The following ARHGAP15 variants were observed in gnomAD, a reference collection of about 807,000 sequenced individuals.
ARHGAP15 encodes rho GTPase-activating protein 15.
ARHGAP15 carries 51 observed loss-of-function variants against 63.7 expected under a neutral mutation model. That is an observed-to-expected ratio of 0.80 (90% confidence interval 0.64 to 1.01). The LOEUF (loss-of-function observed/expected upper bound fraction) is 1.01, where lower values mean the gene tolerates loss of function less well. Among genes scored for constraint, ARHGAP15 ranks in the 50% least tolerant of loss-of-function variants. The pLI is 0.00. For synonymous variants in ARHGAP15, 191 were observed against 193.8 expected (o/e 0.99, Z 0.12); for missense variants, 560 against 564.6 (o/e 0.99, Z 0.08).
intron 10 of ARHGAP15, among the ~76,000 whole-genome samples, chr2:143,538,407 C>T (rs1694879931): frequency 6.6e-6 from 1 of 152,128 alleles, no homozygotes; most frequent in Non-Finnish European, 1.5e-5. Context: ...CCAGAACTTC[C>T]AACACTATGT....
chr2:143,183,736 T>TA (rs35331297), intron 2 of ARHGAP15, among the ~76,000 whole-genome samples: 1 of 150,898 alleles, frequency 6.6e-6, no homozygotes, highest in African/African-American at 2.4e-5. Flanking sequence ...TTTTTTTTTT[T>TA]AAAGCTAAAG....
intron 6 of ARHGAP15, among the ~76,000 whole-genome samples, chr2:143,414,253 C>A (rs2105031699): frequency 6.6e-6 from 1 of 151,396 alleles, no homozygotes; most frequent in Non-Finnish European, 1.5e-5. Flanking sequence ...AAAAATGAAG[C>A]AGATTTGATC....
At chr2:143,348,118 A>ACCT (rs1432136000) in intron 6 of ARHGAP15, among the ~76,000 whole-genome samples, 1 of 151,846 alleles carries the variant, frequency 6.6e-6, no homozygotes, top group Non-Finnish European at 1.5e-5. Flanking sequence ...TTCCCCAGTA[A>ACCT]CCTATTGGGG....
chr2:143,482,667 A>G (rs2105216784), intron 8 of ARHGAP15, among the ~76,000 whole-genome samples: 1 of 152,354 alleles, frequency 6.6e-6, no homozygotes, highest in East Asian at 1.9e-4. Flanking sequence ...AAACTGTTTT[A>G]TAAGTTTGGC....
Position 143,416,812 on chromosome 2 carries a change from T to TCCC in ARHGAP15, c.475-18786_475-18784dup, listed in dbSNP as rs1209461060. Among the ~76,000 whole-genome samples, 152 of 69,270 alleles carry TCCC rather than the reference T, an allele frequency of 2.2e-3. 1 individual carries two copies. The highest frequency in any genetic ancestry group is 9.4e-3 in the Middle Eastern group (1 of 106). 45.4% of individuals were successfully genotyped at this position (69,270 alleles called of 152,430 possible). A position where few individuals can be genotyped will look rare whatever the true frequency, so the allele number is the denominator to read the frequency against. On this transcript the variant is annotated intron_variant, in intron 6 of 13. Coordinates refer to ENST00000295095, the MANE Select transcript of ARHGAP15 (RefSeq NM_018460.4). ...TGCCCTTGCTTCCCTGCCTGCCACT[T>TCCC]CCCCCACCACCCCCCCACCCCCACG...
At chr2:143,479,499 G>A (rs1451948604) in intron 8 of ARHGAP15, among the ~76,000 whole-genome samples, 4 of 151,970 alleles carry the variant, frequency 2.6e-5, no homozygotes, top group Non-Finnish European at 5.9e-5. Context: ...GCTTCACAGT[G>A]CCCTTTGTGT....
intron 6 of ARHGAP15, among the ~76,000 whole-genome samples, chr2:143,417,638 T>C (rs1186968618): frequency 6.6e-6 from 1 of 152,172 alleles, no homozygotes; most frequent in Non-Finnish European, 1.5e-5. Flanking sequence ...ACTGAGCTTG[T>C]GAATGACGGG....
chr2:143,333,931 C>G (rs1032036914), intron 6 of ARHGAP15, among the ~76,000 whole-genome samples: 2 of 152,130 alleles, frequency 1.3e-5, no homozygotes, highest in African/African-American at 2.4e-5. Flanking sequence ...GTGTAATTTA[C>G]TTGCAAGAGG....
At chr2:143,749,658 A>AT (rs767556467) in intron 13 of ARHGAP15, among the ~76,000 whole-genome samples, 1 of 152,250 alleles carries the variant, frequency 6.6e-6, no homozygotes, top group Non-Finnish European at 1.5e-5. Flanking sequence ...AAATCATATG[A>AT]TTTAGTGCTA....
At chr2:143,529,636 C>T (rs894445705) in intron 10 of ARHGAP15, among the ~76,000 whole-genome samples, 1 of 152,088 alleles carries the variant, frequency 6.6e-6, no homozygotes, top group African/African-American at 2.4e-5. Flanking sequence ...CCAGGAATAC[C>T]AAGTACATGA....
At chr2:143,731,505 G>A (rs749527935) in intron 13 of ARHGAP15, among the ~76,000 whole-genome samples, 4 of 152,002 alleles carry the variant, frequency 2.6e-5, no homozygotes, top group Admixed American at 6.6e-5. Flanking sequence ...CTCCACACTC[G>A]TCCCTCCAGT....
At chr2:143,380,838 TGAAAA>T (rs1315710797) in intron 6 of ARHGAP15, among the ~76,000 whole-genome samples, 1 of 152,098 alleles carries the variant, frequency 6.6e-6, no homozygotes, top group African/African-American at 2.4e-5. Context: ...GAAACAATGA[TGAAAA>T]GAAGGCTAGA....
At chr2:143,765,655 A>C (rs1478445269) in intron 13 of ARHGAP15, among the ~76,000 whole-genome samples, 1 of 152,190 alleles carries the variant, frequency 6.6e-6, no homozygotes, top group Non-Finnish European at 1.5e-5. Flanking sequence ...TCTAAGAGTA[A>C]AAAACGAAAA....
chr2:143,596,111 G>A (rs1574681074), intron 11 of ARHGAP15, among the ~76,000 whole-genome samples: 2 of 152,088 alleles, frequency 1.3e-5, no homozygotes. Context: ...TATGTGGCAT[G>A]TAGATTCTAC....
At chr2:143,148,969 G>T (rs1392370230) in intron 1 of ARHGAP15, among the ~76,000 whole-genome samples, 2 of 152,034 alleles carry the variant, frequency 1.3e-5, no homozygotes, top group Non-Finnish European at 2.9e-5. Context: ...TTACTGACCT[G>T]TCAGGAAAGT....
rs1205911880 is a variant in ARHGAP15, at chr2:143,665,874, C to T, written c.1139-37545C>T. 4.8e-5 allele frequency among the ~76,000 whole-genome samples: 7 copies of T among 145,672 alleles called. No individual in the cohort carries two copies. In the East Asian group the frequency reaches 1.5e-3, roughly 30 times the overall value. On this transcript the variant is annotated intron_variant, in intron 12 of 13. Transcript: ENST00000295095. ...TCCAACTTACAAGGGATGTGAAGGA[C>T]CTCTTCAAGGAGAACTACAAACCAC...
chr2:143,457,687 A>G (rs2105149723), intron 8 of ARHGAP15, among the ~76,000 whole-genome samples: 1 of 151,700 alleles, frequency 6.6e-6, no homozygotes, highest in South Asian at 2.1e-4. Flanking sequence ...AATCCACAAA[A>G]TTATACATGC....
chr2:143,250,589 AAT>A lies in ARHGAP15; in HGVS notation c.464_465del (p.Asn155SerfsTer11), dbSNP rs1558841857. 1 of 1,612,672 alleles carries A rather than the reference AAT, an allele frequency of 6.2e-7. No homozygotes were observed. The highest frequency in any genetic ancestry group is 8.5e-7 in the Non-Finnish European group (1 of 1,178,888). On this transcript the variant is annotated frameshift_variant, in exon 6 of 14. Coordinates refer to ENST00000295095, the MANE Select transcript of ARHGAP15 (RefSeq NM_018460.4). LOFTEE classifies it high-confidence loss of function. Reference protein sequence around the residue: ...EWAKEKSSRKNVFQITTVSGN... With the variant: ...EWAKEKSSRKXVFQITTVSGN... ...GGCCAAGGAAAAATCGAGCAGAAAG[AAT>A]GTCTTTCAGGTAAGAATGTTACATA...
chr2:143,591,611 G>GTTTTTTTTTTT (rs1189847515), intron 11 of ARHGAP15, among the ~76,000 whole-genome samples: 6 of 92,648 alleles, frequency 6.5e-5, no homozygotes, highest in Non-Finnish European at 8.9e-5. Flanking sequence ...TTTTTTGTTT[G>GTTTTTTTTTTT]TTCTTTTTTT....
Sources: allele counts gnomAD v4.1 joint callset (sites outside exome capture counted in the v4.1 genomes callset), GRCh38; gene constraint gnomAD v4.1.1; transcripts MANE v1.5; gene names NCBI Gene and HGNC (gene_info 2026-07-23, HGNC 2026-07-21).